POLH: variants seen among roughly 807,000 people sequenced by gnomAD.
POLH encodes DNA polymerase eta transcript.
Under a neutral mutation model 73.6 loss-of-function variants are expected in POLH, and 53 were observed. That is an observed-to-expected ratio of 0.72 (90% CI 0.58 to 0.91). The LOEUF (loss-of-function observed/expected upper bound fraction) is 0.91, where lower values mean the gene tolerates loss of function less well. Among genes scored for constraint, POLH ranks in the 40% least tolerant of loss-of-function variants. The pLI is 0.00. For missense variants in POLH, 768 were observed against 865.4 expected (o/e 0.89, Z 1.41); for synonymous variants, 292 against 308.5 (o/e 0.95, Z 0.56).
chr6:43,610,725 T>A lies in POLH; in HGVS notation c.1244+2T>A. The A allele has an allele frequency of 6.2e-7, 1 of 1,608,716 alleles. No individual in the cohort carries two copies. The highest frequency in any genetic ancestry group is 8.5e-7 in the Non-Finnish European group (1 of 1,176,642). ...TACTTCTGGAATCCAGACAGAATGG[T>A]GAGTTCTTTTCTAGCTCATCTTCTC... On this transcript the variant is annotated splice_donor_variant, in intron 10 of 10. Coordinates refer to ENST00000372236, the MANE Select transcript of POLH (RefSeq NM_006502.3). LOFTEE classifies it high-confidence loss of function.
At chr6:43,599,585 C>T (rs759919135) in intron 5 of POLH, among the ~76,000 whole-genome samples, 1 of 151,360 alleles carries the variant, frequency 6.6e-6, no homozygotes, top group Non-Finnish European at 1.5e-5. Context: ...CCTTCTCCGC[C>T]TCCCTTCAAT....
chr6:43,578,133 T>C lies in POLH; in HGVS notation c.-5+1693T>C, dbSNP rs574201116. 9.5e-4 allele frequency among the ~76,000 whole-genome samples: 144 copies of C among 151,524 alleles called. 1 individual carries two copies. Among genetic ancestry groups the C allele is most frequent in the African/African-American group, 3.3e-3 (136 of 41,276 alleles). On this transcript the variant is annotated intron_variant, in intron 1 of 10. Coordinates refer to ENST00000372236, the MANE Select transcript of POLH (RefSeq NM_006502.3). ...CGAGCGCGATGGCTCACGCCTGTAA[T>C]CCCAGCACTTTGGGAGGCCGAGGTG...
chr6:43,603,061 C>A (rs546229332), intron 6 of POLH, among the ~76,000 whole-genome samples: 1 of 138,728 alleles, frequency 7.2e-6, no homozygotes, highest in South Asian at 2.3e-4. Flanking sequence ...AGTGCAGTGG[C>A]ACAATTAAGA....
intron 4 of POLH, among the ~76,000 whole-genome samples, chr6:43,592,139 G>A (rs938750515): frequency 4.6e-5 from 7 of 152,160 alleles, no homozygotes; most frequent in Non-Finnish European, 1.0e-4. Context: ...TCAGAACAGT[G>A]CAATGTCTAG....
At chr6:43,582,246 G>T (rs1048494487) in intron 1 of POLH, 70 bp from the exon 2 acceptor site, 6 of 1,399,164 alleles carry the variant, frequency 4.3e-6, no homozygotes, top group Non-Finnish European at 6.1e-6. Context: ...GTGAAAGAAT[G>T]GAATTACAGT....
chr6:43,587,383 A>C lies in POLH; in HGVS notation c.384A>C (p.Arg128Ser). 6 of 1,614,164 alleles carry C rather than the reference A, an allele frequency of 3.7e-6. No individual in the cohort carries two copies. Among genetic ancestry groups the C allele is most frequent in the Non-Finnish European group, 5.1e-6 (6 of 1,179,974 alleles). ...YVDLTSAVQE[R>S]LQKLQGQPIS... Reference sequence around the variant, plus strand: ...ATCTGACCAGTGCTGTACAAGAGAGACTACAAAAGCTACAAGGTCAGCCTA... The same window carrying C: ...ATCTGACCAGTGCTGTACAAGAGAGCCTACAAAAGCTACAAGGTCAGCCTA... The change falls in exon 4 of 11, where the codon AGA becomes AGC. Residue 128 changes from arginine to serine, a missense_variant. Transcript: ENST00000372236.
At chr6:43,578,448 T>C (rs1330005573) in intron 1 of POLH, 1 of 444,914 alleles carries the variant, frequency 2.2e-6, no homozygotes, top group Non-Finnish European at 4.5e-6. Context: ...ATTAAGTTAG[T>C]ATATATAGTT....
intron 10 of POLH, among the ~76,000 whole-genome samples, chr6:43,613,287 T>C (rs1274342741): frequency 6.6e-6 from 1 of 152,186 alleles, no homozygotes; most frequent in African/African-American, 2.4e-5. Flanking sequence ...AGCTTTTTGT[T>C]GTCCTGAATA....
rs1768510389 is a variant in POLH at position 43,618,722 on chromosome 6, C to G, written c.*4165C>G. 6.6e-6 allele frequency among the ~76,000 whole-genome samples: 1 copy of G among 152,000 alleles called. No homozygotes were observed. The highest frequency in any genetic ancestry group is 2.4e-5 in the African/African-American group (1 of 41,384). ...CTCGGCTCACTGCAACCTCCGCCTC[C>G]CGGGTTCAAGCGATTCTCCTGCATC... On this transcript the variant is annotated 3_prime_UTR_variant, in exon 11 of 11. Transcript: ENST00000372236.
At chr6:43,599,196 C>T (rs901057084) in intron 5 of POLH, among the ~76,000 whole-genome samples, 13 of 151,846 alleles carry the variant, frequency 8.6e-5, no homozygotes, top group African/African-American at 2.4e-4. Context: ...ACCATATTGG[C>T]CAGGCTGGTC....
intron 4 of POLH, among the ~76,000 whole-genome samples, chr6:43,594,021 T>A (rs1045320737): frequency 1.3e-5 from 2 of 152,138 alleles, no homozygotes; most frequent in Non-Finnish European, 2.9e-5. Flanking sequence ...ATTTTTCTTA[T>A]CAACTAGAGA....
chr6:43,598,201 CA>C (rs560020212), intron 5 of POLH, among the ~76,000 whole-genome samples: 1,728 of 73,154 alleles, frequency 0.024, 29 homozygotes, highest in African/African-American at 0.064. Flanking sequence ...AGACTGTCAC[CA>C]AAAAAAAAAA....
At chr6:43,599,895 A>G (rs1766529869) in intron 5 of POLH, among the ~76,000 whole-genome samples, 3 of 152,054 alleles carry the variant, frequency 2.0e-5, no homozygotes, top group Admixed American at 2.0e-4. Context: ...GCGGTGGCTC[A>G]CACCTGTAAT....
At chr6:43,589,085 G>A (rs1276401853) in intron 4 of POLH, among the ~76,000 whole-genome samples, 5 of 152,166 alleles carry the variant, frequency 3.3e-5, no homozygotes, top group African/African-American at 4.8e-5. Context: ...TGATCCGCCC[G>A]CCTCGGCCTC....
chr6:43,610,948 C>T (rs565927472), intron 10 of POLH, among the ~76,000 whole-genome samples: 10 of 152,224 alleles, frequency 6.6e-5, no homozygotes, highest in East Asian at 3.9e-4. Context: ...AAGTATCGGC[C>T]GGGCGCAGTG....
At position 43,613,701 on chromosome 6, in the gene POLH, T is replaced by C. The variant is rs151215715; in HGVS notation, c.1286T>C (p.Phe429Ser). 4.3e-6 allele frequency: 7 copies of C among 1,613,942 alleles called. No individual in the cohort carries two copies. The African/African-American group carries it at 8.0e-5, about 18-fold the overall frequency. ...LTMLFLCATK[F>S]SASAPSSSTD... The stretch of plus-strand genomic sequence containing the variant: ...ATGCTTTTCCTCTGTGCTACAAAAT[T>C]TTCTGCCTCTGCCCCTTCATCTTCT... Residue 429 changes from phenylalanine to serine, a missense_variant, in exon 11 of 11, where the codon TTT becomes TCT. Transcript: ENST00000372236.
intron 4 of POLH, among the ~76,000 whole-genome samples, chr6:43,596,981 T>C (rs1316645776): frequency 6.6e-6 from 1 of 152,202 alleles, no homozygotes; most frequent in Non-Finnish European, 1.5e-5. Context: ...AAAGCTTATA[T>C]TGAAGCTTGA....
At position 43,615,945 on chromosome 6, in the gene POLH, T is replaced by TA. The variant is rs1768296685; in HGVS notation, c.*1389dup. On this transcript the variant is annotated 3_prime_UTR_variant, in exon 11 of 11. Transcript: ENST00000372236. ...CTCGACCTCCCAAAGTTGCTGGGAT[T>TA]ACAGATGTTAGCCACCGATCCTGGC... Among the ~76,000 whole-genome samples the TA allele has an allele frequency of 6.6e-6, 1 of 152,064 alleles. No individual in the cohort carries two copies. The highest frequency in any genetic ancestry group is 1.5e-5 in the Non-Finnish European group (1 of 68,014).
intron 5 of POLH, among the ~76,000 whole-genome samples, chr6:43,599,785 TTTAAA>T (rs1384248203): frequency 6.6e-6 from 1 of 151,094 alleles, no homozygotes; most frequent in Non-Finnish European, 1.5e-5. Context: ...AAATATAATT[TTTAAA>T]TTATATTAAA....
Sources: allele counts gnomAD v4.1 joint callset (sites outside exome capture counted in the v4.1 genomes callset), GRCh38; gene constraint gnomAD v4.1.1; transcripts MANE v1.5; gene names NCBI Gene and HGNC (gene_info 2026-07-23, HGNC 2026-07-21).